WBP4: variants seen among roughly 807,000 people sequenced by gnomAD.
WBP4 encodes the protein WW domain binding protein 4.
WBP4 carries 37 observed loss-of-function variants against 55.4 expected under a neutral mutation model. The ratio of observed to expected loss-of-function variants is 0.67; its 90% CI spans 0.51 to 0.88. WBP4 has a LOEUF of 0.88. WBP4 is among the 40% of genes least tolerant of loss of function. WBP4 has a pLI of 0.00. For synonymous variants in WBP4, 142 were observed against 140.2 expected, an observed-to-expected ratio of 1.01 and a Z score of -0.09; for missense variants, 398 against 420.8, an observed-to-expected ratio of 0.95 and a Z score of 0.47.
chr13:41,079,540 T>TA (rs1386604316), intron 8 of WBP4, among the ~76,000 whole-genome samples: 1 of 46,346 alleles, frequency 2.2e-5, no homozygotes, highest in African/African-American at 7.6e-5. Context: ...AGACTCCGTC[T>TA]CAAAAAAAAA....
At chr13:41,075,494 G>A (rs1008596964) in intron 7 of WBP4, among the ~76,000 whole-genome samples, 1 of 152,058 alleles carries the variant, frequency 6.6e-6, no homozygotes, top group African/African-American at 2.4e-5. Flanking sequence ...CAGTCTTCCC[G>A]CCTCAGCCTC....
chr13:41,073,771 C>A (rs1878354563), intron 7 of WBP4, among the ~76,000 whole-genome samples: 1 of 152,038 alleles, frequency 6.6e-6, no homozygotes, highest in Non-Finnish European at 1.5e-5. Context: ...CGCACCACTG[C>A]ACTCCAGTCT....
At chr13:41,078,985 T>C (rs566854726) in intron 8 of WBP4, among the ~76,000 whole-genome samples, 13 of 152,222 alleles carry the variant, frequency 8.5e-5, no homozygotes, top group African/African-American at 2.9e-4. Flanking sequence ...AAAAAGCTTA[T>C]GCACAGCAAA....
At chr13:41,075,618 C>A (rs149849075) in intron 7 of WBP4, among the ~76,000 whole-genome samples, 1 of 152,260 alleles carries the variant, frequency 6.6e-6, no homozygotes, top group African/African-American at 2.4e-5. Flanking sequence ...TGAGTTCAAG[C>A]AATCCTCCTA....
intron 5 of WBP4, among the ~76,000 whole-genome samples, chr13:41,069,041 A>G (rs1377443250): frequency 6.6e-6 from 1 of 152,236 alleles, no homozygotes; most frequent in Non-Finnish European, 1.5e-5. Flanking sequence ...AGAATTTTGC[A>G]TAGAAATAAG....
At chr13:41,073,006 AC>A (rs1878318260) in intron 7 of WBP4, 149 bp downstream of exon 7, 1 of 616,182 alleles carries the variant, frequency 1.6e-6, no homozygotes, top group Non-Finnish European at 2.7e-6. Context: ...TAATTTAAAA[AC>A]AATACAGTGG....
intron 4 of WBP4, among the ~76,000 whole-genome samples, chr13:41,066,595 T>G (rs1479223495): frequency 6.6e-6 from 1 of 152,204 alleles, no homozygotes; most frequent in African/African-American, 2.4e-5. Flanking sequence ...ACTTTTGATT[T>G]TTATTAAAAC....
rs1877815604 is a variant in WBP4 at position 41,063,697 on chromosome 13, A to G, written c.75+981A>G. ...GTCTTTATCTTCTTGAGTTGGTAAT[A>G]CACATTGATTTAACCTTTAATTAGA... On this transcript the variant is annotated intron_variant, in intron 2 of 9. Transcript: ENST00000379487. Among the ~76,000 whole-genome samples the G allele has an allele frequency of 1.3e-5, 2 of 152,134 alleles. 1 individual carries two copies. The highest frequency in any genetic ancestry group is 4.1e-4 in the South Asian group (2 of 4,834).
rs1284506361 is a variant in WBP4 at position 41,083,644 on chromosome 13, T to TC, written c.*735dup. 2.0e-5 allele frequency: 3 copies of TC among 152,232 alleles called. No homozygotes were observed. Among genetic ancestry groups the TC allele is most frequent in the Non-Finnish European group, 4.4e-5 (3 of 68,054 alleles). The allele number at this position is 152,232 out of a possible 1,614,324, so 9.4% of individuals were successfully genotyped here. A position where few individuals can be genotyped will look rare whatever the true frequency, so the allele number is the denominator to read the frequency against. On this transcript the variant is annotated 3_prime_UTR_variant, in exon 10 of 10. Coordinates refer to ENST00000379487, the MANE Select transcript of WBP4 (RefSeq NM_007187.5). ...TTCACATTCTAGCATATGCCTTTTT[T>TC]CCCCCAGTCATGCACTCTTTTTAGC...
At chr13:41,081,507 A>AC (rs1240666098) in intron 9 of WBP4, among the ~76,000 whole-genome samples, 1 of 150,242 alleles carries the variant, frequency 6.7e-6, no homozygotes, top group East Asian at 1.9e-4. Context: ...CCAAAAAAAA[A>AC]AAAAAAAAAA....
chr13:41,065,008 T>C lies in WBP4; in HGVS notation c.76-8T>C. ...TTTCTTTTGTTATTTTCTCTTTTCA[T>C]TTTCAAGAGTGTTGAATTTCATGAA... On this transcript the variant is annotated splice_polypyrimidine_tract_variant and splice_region_variant and intron_variant, in intron 2 of 9. Transcript: ENST00000379487. The C allele has an allele frequency of 6.4e-7, 1 of 1,553,956 alleles. No individual in the cohort carries two copies. Among genetic ancestry groups the C allele is most frequent in the Non-Finnish European group, 8.6e-7 (1 of 1,159,226 alleles).
chr13:41,071,196 C>T (rs903066323), intron 5 of WBP4, among the ~76,000 whole-genome samples: 1 of 152,170 alleles, frequency 6.6e-6, no homozygotes. Context: ...CTCTCACTCT[C>T]CCTTGCCCCA....
chr13:41,062,096 GTTTT>G (rs60658317), intron 1 of WBP4: 4,856 of 791,300 alleles, frequency 6.1e-3, no homozygotes, highest in Middle Eastern at 7.5e-3. Flanking sequence ...TAGCGTAATG[GTTTT>G]TTTTTTTTTT....
At chr13:41,062,814 A>G (rs916908228) in intron 2 of WBP4, 98 bp downstream of exon 2, 21 of 1,005,558 alleles carry the variant, frequency 2.1e-5, no homozygotes, top group Non-Finnish European at 2.7e-5. Flanking sequence ...TTTTATGTAC[A>G]TTGCTCTTGC....
rs149323773 is a variant in WBP4 at position 41,074,079 on chromosome 13, C to G, written c.562+1222C>G. Reference sequence around the variant, plus strand: ...CCCAAGTAGCTGGGACTACAGGCACCAGCCACTTCGCCAGGCTAATTTTTT... The same window carrying G: ...CCCAAGTAGCTGGGACTACAGGCACGAGCCACTTCGCCAGGCTAATTTTTT... On this transcript the variant is annotated intron_variant, in intron 7 of 9. Coordinates refer to ENST00000379487, the MANE Select transcript of WBP4 (RefSeq NM_007187.5). Among the ~76,000 whole-genome samples the G allele has an allele frequency of 5.8e-3, 875 of 151,930 alleles. 3 individuals carry two copies. The highest frequency in any genetic ancestry group is 0.02 in the African/African-American group (841 of 41,466).
chr13:41,069,919 T>TA (rs1237024285), intron 5 of WBP4, among the ~76,000 whole-genome samples: 2 of 151,952 alleles, frequency 1.3e-5, no homozygotes, highest in African/African-American at 4.8e-5. Flanking sequence ...AGTGTCGTTT[T>TA]ACAGTAACAA....
At position 41,083,228 on chromosome 13, in the gene WBP4, C is replaced by T. The variant is rs1263083769; in HGVS notation, c.*314C>T. The T allele has an allele frequency of 8.8e-6, 2 of 226,064 alleles. No homozygotes were observed. Among genetic ancestry groups the T allele is most frequent in the East Asian group, 1.9e-4 (2 of 10,342 alleles). The allele number at this position is 226,064 out of a possible 1,614,324, so 14.0% of individuals were successfully genotyped here. On this transcript the variant is annotated 3_prime_UTR_variant, in exon 10 of 10. Transcript: ENST00000379487. ...ACAGGGCCTTTATTCCATTCATATT[C>T]ATAAGAGCATATTTATCCTGCATTG...
At chr13:41,061,738 C>A in intron 1 of WBP4, 63 bp downstream of exon 1, 1 of 1,609,240 alleles carries the variant, frequency 6.2e-7, no homozygotes, top group Non-Finnish European at 8.5e-7. Flanking sequence ...CTTTCTCGCC[C>A]GGGTCTTCCC....
chr13:41,066,996 TTC>T (rs1878001070), intron 4 of WBP4, among the ~76,000 whole-genome samples: 1 of 152,202 alleles, frequency 6.6e-6, no homozygotes, highest in African/African-American at 2.4e-5. Context: ...AAAACTATTT[TTC>T]TCTTTTTTTG....
Sources: allele counts gnomAD v4.1 joint callset (sites outside exome capture counted in the v4.1 genomes callset), GRCh38; gene constraint gnomAD v4.1.1; transcripts MANE v1.5; gene names NCBI Gene and HGNC (gene_info 2026-07-23, HGNC 2026-07-21).